The following DGKB variants were observed in gnomAD, a reference collection of about 807,000 sequenced individuals.
DGKB encodes 90 kDa diacylglycerol kinase.
DGKB carries 67 observed loss-of-function variants against 114.3 expected under a neutral mutation model. That is an observed-to-expected ratio of 0.59 (90% CI 0.48 to 0.72). DGKB has a LOEUF of 0.72. DGKB is among the 30% of genes least tolerant of loss of function. The pLI is 0.00. For missense variants in DGKB, 907 were observed against 975.2 expected, an observed-to-expected ratio of 0.93 and a Z score of 0.93; for synonymous variants, 398 against 323.1, an observed-to-expected ratio of 1.23 and a Z score of -2.49.
chr7:14,438,299 T>C (rs1055542163), intron 21 of DGKB, among the ~76,000 whole-genome samples: 4 of 152,116 alleles, frequency 2.6e-5, no homozygotes, highest in Admixed American at 6.6e-5. Flanking sequence ...GTCGAATTAG[T>C]AGGTCAAGAG....
At chr7:14,441,601 TTTTG>T (rs1830102935) in intron 21 of DGKB, among the ~76,000 whole-genome samples, 2 of 152,222 alleles carry the variant, frequency 1.3e-5, no homozygotes, top group African/African-American at 4.8e-5. Flanking sequence ...AGTGTTAAAA[TTTTG>T]TTTATTACAT....
chr7:14,347,953 G>A (rs1812758611), intron 21 of DGKB, among the ~76,000 whole-genome samples: 1 of 151,840 alleles, frequency 6.6e-6, no homozygotes, highest in African/African-American at 2.4e-5. Context: ...ATTATTTTGC[G>A]ATAAATTTAG....
chr7:14,513,468 G>C (rs1374090706), intron 20 of DGKB, among the ~76,000 whole-genome samples: 1 of 151,864 alleles, frequency 6.6e-6, no homozygotes, highest in African/African-American at 2.4e-5. Context: ...ACCTTTGAGA[G>C]TTTATTCATT....
chr7:14,937,362 C>T (rs1458145721), intron 1 of DGKB, among the ~76,000 whole-genome samples: 1 of 151,936 alleles, frequency 6.6e-6, no homozygotes, highest in East Asian at 1.9e-4. Flanking sequence ...TTACAAGAAT[C>T]CAGGTACATT....
intron 23 of DGKB, among the ~76,000 whole-genome samples, chr7:14,243,696 C>T (rs1794001370): frequency 6.6e-6 from 1 of 152,126 alleles, no homozygotes; most frequent in Non-Finnish European, 1.5e-5. Context: ...AAAATCTCTC[C>T]TCTTAATATT....
Position 14,607,930 on chromosome 7 carries a change from A to G in DGKB, c.1359-422T>C, listed in dbSNP as rs564109358. Among the ~76,000 whole-genome samples, 191 of 152,064 alleles carry G rather than the reference A, an allele frequency of 1.3e-3. 1 individual carries two copies. Among genetic ancestry groups the G allele is most frequent in the Non-Finnish European group, 2.2e-3 (152 of 67,924 alleles). ...TTTGTCCTCTATAGATCTCTGATAGATCTGAAAATTATCTATCCCCTATAT... is the reference window on the plus strand; with the variant it reads ...TTTGTCCTCTATAGATCTCTGATAGGTCTGAAAATTATCTATCCCCTATAT... On this transcript the variant is annotated intron_variant, in intron 16 of 25. Transcript: ENST00000402815.
chr7:14,777,338 A>T (rs1019072113), intron 2 of DGKB, among the ~76,000 whole-genome samples: 15 of 152,140 alleles, frequency 9.9e-5, no homozygotes, highest in African/African-American at 3.6e-4. Context: ...TTGAAATGTG[A>T]GGATATGAGA....
At chr7:14,516,082 A>G (rs992127734) in intron 20 of DGKB, among the ~76,000 whole-genome samples, 3 of 152,094 alleles carry the variant, frequency 2.0e-5, no homozygotes, top group African/African-American at 7.2e-5. Flanking sequence ...TCCTGAGCTC[A>G]AGCAATCTGC....
chr7:14,318,718 A>T (rs1807127045), intron 23 of DGKB, among the ~76,000 whole-genome samples: 1 of 152,122 alleles, frequency 6.6e-6, no homozygotes, highest in Admixed American at 6.6e-5. Context: ...CCATTGTGGA[A>T]GTCAGTGTGG....
intron 25 of DGKB, among the ~76,000 whole-genome samples, chr7:14,170,564 T>A (rs1344843952): frequency 6.6e-6 from 1 of 152,206 alleles, no homozygotes; most frequent in African/African-American, 2.4e-5. Flanking sequence ...GATATTAACT[T>A]GCTGGGTCTT....
At chr7:14,525,521 A>G (rs1790502470) in intron 20 of DGKB, among the ~76,000 whole-genome samples, 1 of 152,170 alleles carries the variant, frequency 6.6e-6, no homozygotes, top group African/African-American at 2.4e-5. Context: ...ATTCTGCCCA[A>G]CAAGGGATTC....
rs531911606 is a variant in DGKB at position 14,282,542 on chromosome 7, G to A, written c.2122+55973C>T. On this transcript the variant is annotated intron_variant, in intron 23 of 25. Transcript: ENST00000402815. ...CCAGCATCATTCTGATACCAAAGCC[G>A]GGCAGAGACACAACCAAAAAAGAGA... 1.0e-3 allele frequency among the ~76,000 whole-genome samples: 152 copies of A among 151,780 alleles called. No individual in the cohort carries two copies. In the South Asian group the frequency reaches 0.017, roughly 17 times the overall value.
chr7:14,662,849 GT>G (rs1243014933), intron 13 of DGKB, among the ~76,000 whole-genome samples: 1 of 151,594 alleles, frequency 6.6e-6, no homozygotes, highest in Non-Finnish European at 1.5e-5. Flanking sequence ...GTTTTTAAAT[GT>G]TTAAATTCTT....
chr7:14,761,661 A>C (rs1471672381), intron 2 of DGKB, among the ~76,000 whole-genome samples: 1 of 152,166 alleles, frequency 6.6e-6, no homozygotes, highest in East Asian at 1.9e-4. Flanking sequence ...TAATTCAGCT[A>C]ATAATAGAGC....
At chr7:14,935,273 A>G (rs1449252408) in intron 1 of DGKB, among the ~76,000 whole-genome samples, 1 of 91,602 alleles carries the variant, frequency 1.1e-5, no homozygotes. Context: ...TATCAAGGAG[A>G]AAAACATTTA....
intron 1 of DGKB, among the ~76,000 whole-genome samples, chr7:14,889,726 AG>A (rs1186824840): frequency 1.3e-5 from 2 of 151,666 alleles, no homozygotes; most frequent in Non-Finnish European, 3.0e-5. Flanking sequence ...GGAAAGGAAA[AG>A]AGTCCTAAAA....
chr7:14,951,606 C>CA (rs1402488517), intron 1 of DGKB, among the ~76,000 whole-genome samples: 1 of 151,740 alleles, frequency 6.6e-6, no homozygotes, highest in Non-Finnish European at 1.5e-5. Flanking sequence ...ATATATTTGT[C>CA]AAAACCAAAA....
At chr7:14,885,911 C>T (rs1476222734) in intron 1 of DGKB, among the ~76,000 whole-genome samples, 6 of 151,388 alleles carry the variant, frequency 4.0e-5, no homozygotes, top group Non-Finnish European at 7.4e-5. Context: ...TTTCTTTTTG[C>T]TTGAATGCCA....
At chr7:14,767,093 T>A (rs1836566548) in intron 2 of DGKB, among the ~76,000 whole-genome samples, 1 of 151,328 alleles carries the variant, frequency 6.6e-6, no homozygotes, top group African/African-American at 2.4e-5. Context: ...AAGGAAAGAA[T>A]TTGGGCAGTA....
Sources: allele counts gnomAD v4.1 joint callset (sites outside exome capture counted in the v4.1 genomes callset), GRCh38; gene constraint gnomAD v4.1.1; transcripts MANE v1.5; gene names NCBI Gene and HGNC (gene_info 2026-07-23, HGNC 2026-07-21).